The following RSL1D1 variants were observed in gnomAD, a reference collection of about 807,000 sequenced individuals.
RSL1D1 encodes the protein ribosomal L1 domain containing 1, also known as ribosomal L1 domain-containing protein 1.
A neutral mutation model predicts 44.6 loss-of-function variants in RSL1D1; 34 were observed. The ratio of observed to expected loss-of-function variants is 0.76; its 90% CI spans 0.58 to 1.02. RSL1D1 has a LOEUF of 1.02. Among genes scored for constraint, RSL1D1 ranks in the 50% least tolerant of loss-of-function variants. RSL1D1 has a pLI of 0.00. For synonymous variants in RSL1D1, 271 were observed against 207.4 expected (o/e 1.31, Z -2.63); for missense variants, 767 against 568.1 (o/e 1.35, Z -3.56).
rs1288545108 is a variant in RSL1D1, at chr16:11,851,460, G to A, written c.53C>T (p.Ser18Phe). 2.5e-6 allele frequency: 4 copies of A among 1,614,120 alleles called. No individual in the cohort carries two copies. The highest frequency in any genetic ancestry group is 3.4e-6 in the Non-Finnish European group (4 of 1,180,000). Reference protein sequence around the residue: ...SLSSAAATGTSTSTPAAPTAR... With the variant: ...SLSSAAATGTFTSTPAAPTAR... ...TGTCGGGGCCGCTGGAGTCGAGGTG[G>A]AGGTTCCAGTAGCGGCTGCAGAAGA... Residue 18 changes from serine (S) to phenylalanine (F), a missense_variant, in exon 1 of 9, where the codon TCC becomes TTC. Ser to Phe is a radical substitution (Grantham distance 155). Coordinates refer to ENST00000571133, the MANE Select transcript of RSL1D1 (RefSeq NM_015659.3).
At chr16:11,842,100 TTC>T (rs2053767903) in intron 5 of RSL1D1, 100 bp from the exon 6 acceptor site, 1 of 844,300 alleles carries the variant, frequency 1.2e-6, no homozygotes, top group Non-Finnish European at 1.8e-6. Context: ...CCTCAAGTTT[TTC>T]TTTTTCTTTT....
rs2053767158 is a variant in RSL1D1, at chr16:11,842,016, G to A, written c.636-16C>T. ...ACGTATAGCACTGAAATTTAATATA[G>A]TATTAGACAAGATTTTAAAAAACCA... On this transcript the variant is annotated splice_polypyrimidine_tract_variant and intron_variant, in intron 5 of 8. Coordinates refer to ENST00000571133, the MANE Select transcript of RSL1D1 (RefSeq NM_015659.3). 1 of 1,558,742 alleles carries A rather than the reference G, an allele frequency of 6.4e-7. No homozygotes were observed. Among genetic ancestry groups the A allele is most frequent in the Admixed American group, 1.9e-5 (1 of 53,584 alleles).
intron 5 of RSL1D1, among the ~76,000 whole-genome samples, chr16:11,844,506 C>G (rs1049464075): frequency 6.6e-6 from 1 of 152,134 alleles, no homozygotes; most frequent in African/African-American, 2.4e-5. Context: ...GTCTAGGCTC[C>G]GTGACCAACT....
At chr16:11,849,382 G>C (rs1185846687) in intron 2 of RSL1D1, 4 of 127,156 alleles carry the variant, frequency 3.1e-5, no homozygotes, top group Admixed American at 2.7e-4. Flanking sequence ...GCAAGATCTC[G>C]TCTCTTAAAA....
Position 11,847,787 on chromosome 16 carries a change from G to T in RSL1D1, c.265C>A (p.Arg89=), listed in dbSNP as rs371152221. The part of the protein sequence containing the change: ...RVRLTLPHSI[R]SDSEDICLFT... ...AAACAGATATCTTCTGAATCTGATC[G>T]AATACTATGAGGCAAGGTCCTACAA... Residue 89 remains arginine, a synonymous_variant, in exon 3 of 9, where the codon CGA becomes AGA. Transcript: ENST00000571133. The T allele has an allele frequency of 7.4e-5, 119 of 1,613,240 alleles. No individual in the cohort carries two copies. Among genetic ancestry groups the T allele is most frequent in the Admixed American group, 1.2e-4 (7 of 59,858 alleles).
Position 11,847,804 on chromosome 16 carries a change from G to A in RSL1D1, c.248C>T (p.Thr83Ile), listed in dbSNP as rs145825313. Residue 83 changes from threonine to isoleucine, a missense_variant and splice_region_variant, in exon 3 of 9, where the codon ACC (threonine) becomes ATC (isoleucine). Coordinates refer to ENST00000571133, the MANE Select transcript of RSL1D1 (RefSeq NM_015659.3). ...IPSKELRVRLTLPHSIRSDSE... is the reference protein window; with the variant it reads ...IPSKELRVRLILPHSIRSDSE... The stretch of plus-strand genomic sequence containing the variant: ...ATCTGATCGAATACTATGAGGCAAG[G>A]TCCTACAAAATACGTGAAAAGAAAC... 97 of 1,612,246 alleles carry A rather than the reference G, an allele frequency of 6.0e-5. No homozygotes were observed. The African/African-American group carries it at 1.1e-3, about 19-fold the overall frequency.
At chr16:11,847,869 C>T (rs2053810600) in intron 2 of RSL1D1, 63 bp from the exon 3 acceptor site, 1 of 1,485,618 alleles carries the variant, frequency 6.7e-7, no homozygotes, top group East Asian at 2.3e-5. Context: ...ATGTTTGTAT[C>T]ACACAGAATA....
intron 8 of RSL1D1, among the ~76,000 whole-genome samples, chr16:11,838,740 C>T (rs565647099): frequency 6.6e-6 from 1 of 151,216 alleles, no homozygotes; most frequent in South Asian, 2.1e-4. Flanking sequence ...ACCTGTAATC[C>T]CAGCTACTCA....
intron 5 of RSL1D1, among the ~76,000 whole-genome samples, chr16:11,844,399 C>T (rs2053784249): frequency 1.3e-5 from 2 of 152,160 alleles, no homozygotes; most frequent in Non-Finnish European, 2.9e-5. Flanking sequence ...CTTCTTCTCC[C>T]AGATACTCAT....
intron 3 of RSL1D1, among the ~76,000 whole-genome samples, chr16:11,847,256 T>G (rs1410269074): frequency 1.3e-5 from 2 of 152,120 alleles, no homozygotes; most frequent in African/African-American, 4.8e-5. Flanking sequence ...GTGCCTGTAA[T>G]CCCAGCTATT....
rs757887298 is a variant in RSL1D1, at chr16:11,838,021, A to G, written c.1239T>C (p.Ser413=). 16 of 1,613,864 alleles carry G rather than the reference A, an allele frequency of 9.9e-6. No homozygotes were observed. The highest frequency in any genetic ancestry group is 1.3e-5 in the African/African-American group (1 of 74,924). Residue 413 remains serine (S), a synonymous_variant, in exon 9 of 9, where the codon TCT becomes TCC. Coordinates refer to ENST00000571133, the MANE Select transcript of RSL1D1 (RefSeq NM_015659.3). ...RGKKRKALPA[S]ETPKAAESET... ...CAGACTCTGCAGCTTTTGGGGTCTC[A>G]GATGCTGGCAAAGCCTTTCTTTTCT...
In RSL1D1 at chr16:11,851,401, C is replaced by G; in HGVS notation, c.105+7G>C. The G allele has an allele frequency of 6.2e-7, 1 of 1,613,628 alleles. No individual in the cohort carries two copies. The highest frequency in any genetic ancestry group is 8.5e-7 in the Non-Finnish European group (1 of 1,179,522). ...CTTCCAAGCCACCCTCCCCAGGAAC[C>G]ACTCACCTGTTCTTTATCCAGCTGC... On this transcript the variant is annotated splice_region_variant and intron_variant, in intron 1 of 8. Transcript: ENST00000571133.
chr16:11,837,299 G>A lies in RSL1D1; in HGVS notation c.*488C>T, dbSNP rs2053728137. On this transcript the variant is annotated 3_prime_UTR_variant, in exon 9 of 9. Transcript: ENST00000571133. ...CCTCTATTACATTAGCAAATACACAGAAGGACAATTTAGAAACAGATTATA... is the reference window on the plus strand; with the variant it reads ...CCTCTATTACATTAGCAAATACACAAAAGGACAATTTAGAAACAGATTATA... 6.6e-6 allele frequency: 1 copy of A among 152,110 alleles called. No individual in the cohort carries two copies. The highest frequency in any genetic ancestry group is 1.5e-5 in the Non-Finnish European group (1 of 68,474). 9.4% of individuals were successfully genotyped at this position (152,110 alleles called of 1,614,324 possible).
chr16:11,838,177 G>A (rs1360808482), intron 8 of RSL1D1, 64 bp from the exon 9 acceptor site: 1 of 1,265,688 alleles, frequency 7.9e-7, no homozygotes, highest in Admixed American at 2.4e-5. Context: ...CTAACTCCAG[G>A]AGTTACTGTT....
intron 7 of RSL1D1, among the ~76,000 whole-genome samples, chr16:11,840,498 C>T (rs750489799): frequency 2.0e-5 from 3 of 151,988 alleles, no homozygotes; most frequent in African/African-American, 4.8e-5. Flanking sequence ...ACCTGGAAGG[C>T]GGGGGGTTGT....
At position 11,838,005 on chromosome 16, in the gene RSL1D1, C is replaced by T. The variant is rs551631788; in HGVS notation, c.1255G>A (p.Ala419Thr). The T allele has an allele frequency of 1.4e-4, 228 of 1,613,930 alleles. 4 individuals are homozygous for T. In the South Asian group the frequency reaches 2.4e-3, roughly 17 times the overall value. Residue 419 changes from alanine (A) to threonine (T), a missense_variant, in exon 9 of 9, where the codon GCA becomes ACA. Coordinates refer to ENST00000571133, the MANE Select transcript of RSL1D1 (RefSeq NM_015659.3). ...ALPASETPKA[A>T]ESETPGKSPE... ...CTTTTCCCTGGGGTCTCAGACTCTG[C>T]AGCTTTTGGGGTCTCAGATGCTGGC... is the stretch of plus-strand genomic sequence containing the variant.
chr16:11,847,476 G>A (rs1447319856), intron 3 of RSL1D1, 192 bp downstream of exon 3: 1 of 534,606 alleles, frequency 1.9e-6, no homozygotes, highest in Non-Finnish European at 3.3e-6. Flanking sequence ...TGGAAGTACA[G>A]AGGAATGACA....
At chr16:11,845,684 G>A (rs1383269098) in intron 5 of RSL1D1, among the ~76,000 whole-genome samples, 1 of 151,914 alleles carries the variant, frequency 6.6e-6, no homozygotes, top group Non-Finnish European at 1.5e-5. Context: ...CATCACAGTA[G>A]AAAGTGCTAT....
chr16:11,839,644 A>G, intron 8 of RSL1D1, 51 bp downstream of exon 8: 1 of 1,597,920 alleles, frequency 6.3e-7, no homozygotes, highest in South Asian at 1.1e-5. Flanking sequence ...CCTGCCTGAC[A>G]CAGTAGCCAC....
Sources: allele counts gnomAD v4.1 joint callset (sites outside exome capture counted in the v4.1 genomes callset), GRCh38; gene constraint gnomAD v4.1.1; transcripts MANE v1.5; gene names NCBI Gene and HGNC (gene_info 2026-07-23, HGNC 2026-07-21).